The following RTN1 variants were observed in gnomAD, a reference collection of about 807,000 sequenced individuals.
The protein encoded by RTN1 is reticulon-1.
Under a neutral mutation model 65.5 loss-of-function variants are expected in RTN1, and 25 were observed. That is an observed-to-expected ratio of 0.38 (90% CI 0.28 to 0.53). The LOEUF (loss-of-function observed/expected upper bound fraction) is 0.53, where lower values mean the gene tolerates loss of function less well. Ranked by LOEUF, RTN1 falls within the 20% of genes least tolerant of loss-of-function variation. The pLI is 0.79. For missense variants in RTN1, 983 were observed against 1,025.4 expected (o/e 0.96, Z 0.57); for synonymous variants, 471 against 447.6 (o/e 1.05, Z -0.66).
chr14:59,722,672 A>G (rs552509903), intron 3 of RTN1, among the ~76,000 whole-genome samples: 59 of 152,250 alleles, frequency 3.9e-4, no homozygotes, highest in Non-Finnish European at 6.3e-4. Flanking sequence ...GTGAAAAACT[A>G]TATATTCCTG....
intron 1 of RTN1, among the ~76,000 whole-genome samples, chr14:59,823,543 G>A (rs982709406): frequency 6.6e-6 from 1 of 151,978 alleles, no homozygotes; most frequent in South Asian, 2.1e-4. Context: ...GCTTAGTCTG[G>A]TTGGAAAAAA....
intron 3 of RTN1, 141 bp downstream of exon 3, chr14:59,726,778 T>A: frequency 1.4e-6 from 1 of 725,236 alleles, no homozygotes. Flanking sequence ...TCTCCTCCCA[T>A]CCCCCCTGGA....
At chr14:59,692,027 A>G (rs1371295660) in intron 3 of RTN1, among the ~76,000 whole-genome samples, 1 of 152,206 alleles carries the variant, frequency 6.6e-6, no homozygotes, top group Non-Finnish European at 1.5e-5. Context: ...GAACTGGAAC[A>G]AGAAAAGGAT....
intron 8 of RTN1, among the ~76,000 whole-genome samples, chr14:59,599,797 C>A (rs1881523275): frequency 6.6e-6 from 1 of 152,128 alleles, no homozygotes; most frequent in South Asian, 2.1e-4. Flanking sequence ...CATCTAGAAT[C>A]TTTCTTTCTT....
chr14:59,813,187 T>C (rs1043799408), intron 1 of RTN1, among the ~76,000 whole-genome samples: 4 of 149,642 alleles, frequency 2.7e-5, no homozygotes, highest in Admixed American at 6.6e-5. Context: ...AAATGAACAG[T>C]TGGAAATGAT....
At chr14:59,733,869 C>T (rs1884952259) in intron 2 of RTN1, among the ~76,000 whole-genome samples, 1 of 152,130 alleles carries the variant, frequency 6.6e-6, no homozygotes, top group Non-Finnish European at 1.5e-5. Flanking sequence ...AGCACAGCTG[C>T]CCTACCAAAA....
intron 3 of RTN1, among the ~76,000 whole-genome samples, chr14:59,680,127 T>G (rs1883715248): frequency 6.6e-6 from 1 of 152,224 alleles, no homozygotes; most frequent in African/African-American, 2.4e-5. Flanking sequence ...GTGCTCCTCC[T>G]AGAACAATCA....
At chr14:59,687,277 C>T (rs1005407625) in intron 3 of RTN1, among the ~76,000 whole-genome samples, 3 of 151,824 alleles carry the variant, frequency 2.0e-5, no homozygotes, top group African/African-American at 7.3e-5. Flanking sequence ...CAGTCTGAGC[C>T]ACCCCACCCT....
chr14:59,719,261 C>A (rs2139465635), intron 3 of RTN1, among the ~76,000 whole-genome samples: 1 of 152,330 alleles, frequency 6.6e-6, no homozygotes, highest in South Asian at 2.1e-4. Flanking sequence ...GCAACATCAA[C>A]TTGTTTCCCA....
At chr14:59,653,849 T>G (rs1249615479) in intron 3 of RTN1, among the ~76,000 whole-genome samples, 1 of 152,180 alleles carries the variant, frequency 6.6e-6, no homozygotes, top group African/African-American at 2.4e-5. Context: ...TGGATAGAAC[T>G]AAACAGAATA....
At chr14:59,749,166 ATAT>A (rs548205382) in intron 1 of RTN1, among the ~76,000 whole-genome samples, 1,727 of 95,544 alleles carry the variant, frequency 0.018, 189 homozygotes, top group Admixed American at 0.035. Flanking sequence ...ATATCTATCT[ATAT>A]ATCTATCTAT....
chr14:59,670,569 G>GAA (rs1030389704), intron 3 of RTN1, among the ~76,000 whole-genome samples: 12 of 152,274 alleles, frequency 7.9e-5, no homozygotes, highest in African/African-American at 2.4e-4. Flanking sequence ...AATATATTCA[G>GAA]AAAAACTCAC....
At chr14:59,747,475 G>A (rs1885252204) in intron 1 of RTN1, among the ~76,000 whole-genome samples, 1 of 152,176 alleles carries the variant, frequency 6.6e-6, no homozygotes. Context: ...CAGGCGTGTT[G>A]GCGCATGCCT....
At chr14:59,597,957 G>A (rs1219580840) in intron 8 of RTN1, among the ~76,000 whole-genome samples, 1 of 152,166 alleles carries the variant, frequency 6.6e-6, no homozygotes, top group Non-Finnish European at 1.5e-5. Context: ...GTTGGAGTTT[G>A]TGGGATGCGG....
At chr14:59,815,830 T>C (rs1019552093) in intron 1 of RTN1, among the ~76,000 whole-genome samples, 2 of 152,160 alleles carry the variant, frequency 1.3e-5, no homozygotes, top group Non-Finnish European at 1.5e-5. Context: ...ATATTACTGA[T>C]TCCCATCCCT....
chr14:59,801,746 TATAAG>T (rs1338983427), intron 1 of RTN1, among the ~76,000 whole-genome samples: 2 of 152,210 alleles, frequency 1.3e-5, no homozygotes, highest in African/African-American at 4.8e-5. Context: ...AGTATACTCT[TATAAG>T]ATTATAACGC....
At chr14:59,791,675 C>T (rs1171687820) in intron 1 of RTN1, among the ~76,000 whole-genome samples, 1 of 152,162 alleles carries the variant, frequency 6.6e-6, no homozygotes, top group Non-Finnish European at 1.5e-5. Flanking sequence ...CTGAACTCTC[C>T]ATGTACCACT....
chr14:59,759,434 T>C (rs1432026365), intron 1 of RTN1, among the ~76,000 whole-genome samples: 3 of 152,108 alleles, frequency 2.0e-5, no homozygotes, highest in African/African-American at 7.2e-5. Context: ...ATAATAGCCA[T>C]TTCAAAGAAT....
chr14:59,833,756 G>A (rs539787427), intron 1 of RTN1, among the ~76,000 whole-genome samples: 6 of 152,188 alleles, frequency 3.9e-5, no homozygotes, highest in Non-Finnish European at 8.8e-5. Flanking sequence ...TAGAGAATAT[G>A]CAGGCTCTAG....
Sources: gnomAD v4.1 joint callset for allele counts (sites outside exome capture counted in the v4.1 genomes callset) on GRCh38, gnomAD v4.1.1 for gene constraint, MANE v1.5 for transcripts, NCBI Gene and HGNC (gene_info 2026-07-23, HGNC 2026-07-21) for gene names.